SUPT3H: variants seen among roughly 807,000 people sequenced by gnomAD.
SUPT3H encodes the protein transcription initiation protein SPT3 homolog.
A neutral mutation model predicts 44.3 loss-of-function variants in SUPT3H; 44 were observed. That is an observed-to-expected ratio of 0.99 (90% CI 0.78 to 1.28). SUPT3H has a LOEUF of 1.28. SUPT3H is among the 50% of genes most tolerant of loss of function. The probability of loss-of-function intolerance (pLI) is 0.00; values close to 1 mark genes in which losing one functional copy is unlikely to be tolerated. For missense variants in SUPT3H, 380 were observed against 387.1 expected (o/e 0.98, Z 0.15); for synonymous variants, 124 against 125.6 (o/e 0.99, Z 0.09).
At chr6:45,008,482 G>A (rs150304127) in intron 5 of SUPT3H, among the ~76,000 whole-genome samples, 2,924 of 152,096 alleles carry the variant, frequency 0.019, 56 homozygotes, top group South Asian at 0.085. Context: ...AGCCTCCTGA[G>A]TAGCTGGGTC....
chr6:45,097,837 T>A (rs758521657), intron 3 of SUPT3H: 2 of 152,256 alleles, frequency 1.3e-5, no homozygotes, highest in African/African-American at 2.4e-5. Context: ...TTCTTAGACC[T>A]ATCATTAACA....
intron 3 of SUPT3H, among the ~76,000 whole-genome samples, chr6:45,100,541 T>TAAAAAAAAAAAAA (rs58120512): frequency 1.0e-3 from 35 of 33,444 alleles, no homozygotes; most frequent in African/African-American, 3.0e-3. Context: ...ACCCTGTACT[T>TAAAAAAAAAAAAA]AAAAAAAAAA....
chr6:44,927,230 A>G (rs1050935676), intron 10 of SUPT3H, among the ~76,000 whole-genome samples: 2 of 152,116 alleles, frequency 1.3e-5, no homozygotes, highest in African/African-American at 4.8e-5. Flanking sequence ...GAATAATCTC[A>G]ATTTTGCTAA....
At chr6:44,958,957 C>G (rs1775627222) in intron 7 of SUPT3H, among the ~76,000 whole-genome samples, 1 of 138,910 alleles carries the variant, frequency 7.2e-6, no homozygotes, top group Non-Finnish European at 1.5e-5. Context: ...CTCACTGCAA[C>G]CTCCACCTCC....
intron 2 of SUPT3H, among the ~76,000 whole-genome samples, chr6:45,128,631 C>T (rs1422351999): frequency 7.0e-6 from 1 of 143,198 alleles, no homozygotes; most frequent in Non-Finnish European, 1.5e-5. Context: ...TATATACACA[C>T]ACAATTATCC....
chr6:45,376,958 T>A (rs995695597), intron 1 of SUPT3H, among the ~76,000 whole-genome samples: 1 of 151,762 alleles, frequency 6.6e-6, no homozygotes, highest in African/African-American at 2.4e-5. Flanking sequence ...TCTATTAGCC[T>A]CTTGGAGAAA....
intron 3 of SUPT3H, among the ~76,000 whole-genome samples, chr6:45,044,371 C>T (rs781155122): frequency 1.3e-5 from 2 of 152,144 alleles, no homozygotes; most frequent in African/African-American, 4.8e-5. Context: ...TTCATATCCT[C>T]GGGGAAACCC....
intron 10 of SUPT3H, among the ~76,000 whole-genome samples, chr6:44,837,145 T>C (rs1770062778): frequency 6.6e-6 from 1 of 152,028 alleles, no homozygotes; most frequent in Non-Finnish European, 1.5e-5. Context: ...TGATACAAGA[T>C]AAAAACAAAA....
intron 2 of SUPT3H, among the ~76,000 whole-genome samples, chr6:45,146,320 G>GA: frequency 6.6e-6 from 1 of 151,958 alleles, no homozygotes; most frequent in East Asian, 1.9e-4. Flanking sequence ...ATACTAAATG[G>GA]AATATATAAA....
chr6:45,371,116 T>C (rs1293510675), intron 1 of SUPT3H, among the ~76,000 whole-genome samples: 1 of 152,174 alleles, frequency 6.6e-6, no homozygotes. Context: ...GCAGCAATTA[T>C]ACTCCTAACA....
intron 2 of SUPT3H, among the ~76,000 whole-genome samples, chr6:45,287,105 G>T (rs1489070668): frequency 1.3e-5 from 2 of 152,032 alleles, no homozygotes; most frequent in Admixed American, 1.3e-4. Flanking sequence ...GGTCGGAGGA[G>T]AGGGGAGGGA....
intron 3 of SUPT3H, among the ~76,000 whole-genome samples, chr6:45,045,197 C>A (rs759995079): frequency 6.6e-6 from 1 of 152,014 alleles, no homozygotes; most frequent in South Asian, 2.1e-4. Context: ...TTCAAGAAAC[C>A]AGCTGGAAGA....
intron 11 of SUPT3H, among the ~76,000 whole-genome samples, chr6:44,820,627 T>G (rs1767237701): frequency 6.6e-6 from 1 of 152,220 alleles, no homozygotes; most frequent in Admixed American, 6.5e-5. Context: ...CTGTTCTAAG[T>G]GCTGGGATAT....
At chr6:45,122,895 G>A (rs978166495) in intron 2 of SUPT3H, among the ~76,000 whole-genome samples, 1 of 152,138 alleles carries the variant, frequency 6.6e-6, no homozygotes, top group Non-Finnish European at 1.5e-5. Context: ...GACATTTAGA[G>A]TCTACATGTT....
chr6:45,122,705 A>G (rs1245714317), intron 2 of SUPT3H, among the ~76,000 whole-genome samples: 1 of 152,180 alleles, frequency 6.6e-6, no homozygotes, highest in East Asian at 1.9e-4. Flanking sequence ...AAATTTTGGG[A>G]GTATTGTTGA....
At chr6:45,094,058 C>A (rs985457716) in intron 3 of SUPT3H, among the ~76,000 whole-genome samples, 2 of 152,092 alleles carry the variant, frequency 1.3e-5, no homozygotes, top group Non-Finnish European at 2.9e-5. Context: ...CAAATCTCTG[C>A]CTATCTCTAT....
chr6:45,184,659 C>T (rs1162683385), intron 2 of SUPT3H, among the ~76,000 whole-genome samples: 3 of 151,662 alleles, frequency 2.0e-5, no homozygotes, highest in East Asian at 1.9e-4. Flanking sequence ...TGCCTAGGGA[C>T]GTCACTATTT....
intron 4 of SUPT3H, among the ~76,000 whole-genome samples, chr6:45,017,900 T>G (rs575883615): frequency 0.058 from 8,261 of 142,422 alleles, 359 homozygotes; most frequent in African/African-American, 0.13. Flanking sequence ...TTGGTAGCTT[T>G]ATGGGGATGG....
chr6:45,193,851 C>T (rs980722244), intron 2 of SUPT3H, among the ~76,000 whole-genome samples: 2 of 152,138 alleles, frequency 1.3e-5, no homozygotes, highest in African/African-American at 2.4e-5. Flanking sequence ...AGAGTGAGCC[C>T]TCATACAGAT....
Sources: gnomAD v4.1 joint callset for allele counts (sites outside exome capture counted in the v4.1 genomes callset) on GRCh38, gnomAD v4.1.1 for gene constraint, MANE v1.5 for transcripts, NCBI Gene and HGNC (gene_info 2026-07-23, HGNC 2026-07-21) for gene names.